ENTREP2: variants seen among roughly 807,000 people sequenced by gnomAD.
The protein encoded by ENTREP2 is endosomal transmembrane epsin interactor 2.
chr15:29,573,364 A>G, the ENTREP2 span, among the ~76,000 whole-genome samples: 1 of 152,232 alleles, frequency 6.6e-6, no homozygotes, highest in Non-Finnish European at 1.5e-5. Flanking sequence ...TAAATTTAAC[A>G]GAGTTTACTT....
chr15:29,325,433 A>G, the ENTREP2 span, among the ~76,000 whole-genome samples: 99 of 152,292 alleles, frequency 6.5e-4, no homozygotes, highest in African/African-American at 2.3e-3. Context: ...TTAAGGGATT[A>G]CCAATATTAA....
chr15:29,471,953 G>A, the ENTREP2 span, among the ~76,000 whole-genome samples: 1 of 152,130 alleles, frequency 6.6e-6, no homozygotes, highest in Non-Finnish European at 1.5e-5. Context: ...TGCTGACAGT[G>A]GTCACCCAAG....
chr15:29,652,630 G>A, the ENTREP2 span, among the ~76,000 whole-genome samples: 5 of 152,226 alleles, frequency 3.3e-5, no homozygotes, highest in Non-Finnish European at 5.9e-5. Context: ...GAGCTTCCAG[G>A]CACTACTGCA....
the ENTREP2 span, among the ~76,000 whole-genome samples, chr15:29,494,664 T>C: frequency 1.3e-5 from 2 of 152,192 alleles, no homozygotes; most frequent in African/African-American, 4.8e-5. Flanking sequence ...ACCTACCCAT[T>C]TCCCACAGGC....
At chr15:29,489,245 A>T in the ENTREP2 span, among the ~76,000 whole-genome samples, 1 of 152,162 alleles carries the variant, frequency 6.6e-6, no homozygotes, top group Non-Finnish European at 1.5e-5. Flanking sequence ...TTCCTTCCTT[A>T]CCTGCCTGGC....
chr15:29,495,868 T>G, the ENTREP2 span, among the ~76,000 whole-genome samples: 1 of 152,126 alleles, frequency 6.6e-6, no homozygotes, highest in Non-Finnish European at 1.5e-5. Context: ...GTTCTTCCTG[T>G]TAAAAATTGC....
chr15:29,176,109 T>A, the ENTREP2 span, among the ~76,000 whole-genome samples: 17 of 152,388 alleles, frequency 1.1e-4, no homozygotes, highest in East Asian at 3.1e-3. Context: ...CTTATTAGCC[T>A]TTCGCCTCTT....
At chr15:29,454,504 CCACT>C in the ENTREP2 span, among the ~76,000 whole-genome samples, 1 of 152,170 alleles carries the variant, frequency 6.6e-6, no homozygotes, top group African/African-American at 2.4e-5. Context: ...CTCAGCTCCC[CCACT>C]CACTATCTCA....
chr15:29,324,599 T>C, the ENTREP2 span, among the ~76,000 whole-genome samples: 1 of 152,174 alleles, frequency 6.6e-6, no homozygotes, highest in African/African-American at 2.4e-5. Context: ...AAAAGGAAGT[T>C]GGAGTACCAA....
At chr15:29,403,194 G>A in the ENTREP2 span, among the ~76,000 whole-genome samples, 3 of 152,064 alleles carry the variant, frequency 2.0e-5, no homozygotes, top group Admixed American at 6.6e-5. Flanking sequence ...CTTCTATGTG[G>A]GCTGCTGCTC....
the ENTREP2 span, among the ~76,000 whole-genome samples, chr15:29,471,298 T>C: frequency 6.6e-6 from 1 of 152,222 alleles, no homozygotes; most frequent in Non-Finnish European, 1.5e-5. Flanking sequence ...TAATGCATTG[T>C]GCAGAGAGTG....
At chr15:29,590,575 T>G in the ENTREP2 span, among the ~76,000 whole-genome samples, 1 of 147,680 alleles carries the variant, frequency 6.8e-6, no homozygotes, top group Non-Finnish European at 1.5e-5. Flanking sequence ...TCCCAGCTAC[T>G]CAGGAGGCTG....
the ENTREP2 span, among the ~76,000 whole-genome samples, chr15:29,353,648 T>C: frequency 6.6e-6 from 1 of 152,310 alleles, no homozygotes; most frequent in East Asian, 1.9e-4. Flanking sequence ...GAAATACCAA[T>C]GGCCACCCAT....
chr15:29,585,652 C>A, the ENTREP2 span, among the ~76,000 whole-genome samples: 19 of 151,400 alleles, frequency 1.3e-4, no homozygotes, highest in South Asian at 4.0e-3. Context: ...GTCAGGAGAT[C>A]GAGACCATCC....
chr15:29,307,546 C>T, the ENTREP2 span, among the ~76,000 whole-genome samples: 1 of 152,144 alleles, frequency 6.6e-6, no homozygotes, highest in African/African-American at 2.4e-5. Flanking sequence ...AACTAACTTA[C>T]CTATTGCTAT....
At chr15:29,475,146 G>T in the ENTREP2 span, among the ~76,000 whole-genome samples, 109 of 152,238 alleles carry the variant, frequency 7.2e-4, no homozygotes, top group African/African-American at 2.5e-3. Flanking sequence ...GACAAGAATG[G>T]TCTGTGGGAC....
At chr15:29,663,759 T>C in the ENTREP2 span, among the ~76,000 whole-genome samples, 1 of 151,990 alleles carries the variant, frequency 6.6e-6, no homozygotes, top group Admixed American at 6.6e-5. Flanking sequence ...ATATACCCAA[T>C]GTAAATGCCA....
At chr15:29,653,554 G>T in the ENTREP2 span, among the ~76,000 whole-genome samples, 1 of 152,174 alleles carries the variant, frequency 6.6e-6, no homozygotes, top group East Asian at 1.9e-4. Context: ...CATGAGATCC[G>T]ATGGTTTGAT....
chr15:29,118,074 T>C, the ENTREP2 span: 4 of 152,648 alleles, frequency 2.6e-5, no homozygotes, highest in African/African-American at 9.6e-5. Flanking sequence ...GGCATGTGTG[T>C]AGATCAAGTC....
Sources: gnomAD v4.1 joint callset for allele counts (sites outside exome capture counted in the v4.1 genomes callset) on GRCh38, gnomAD v4.1.1 for gene constraint, MANE v1.5 for transcripts, NCBI Gene and HGNC (gene_info 2026-07-23, HGNC 2026-07-21) for gene names.